PRLR: variants seen among roughly 807,000 people sequenced by gnomAD.
The protein encoded by PRLR is hPRL receptor.
Under a neutral mutation model 40.2 loss-of-function variants are expected in PRLR, and 13 were observed. The ratio of observed to expected loss-of-function variants is 0.32; its 90% CI spans 0.21 to 0.51. The LOEUF (loss-of-function observed/expected upper bound fraction) is 0.51, where lower values mean the gene tolerates loss of function less well. Ranked by LOEUF, PRLR falls within the 20% of genes least tolerant of loss-of-function variation. PRLR has a pLI of 0.97. For synonymous variants in PRLR, 269 were observed against 278.7 expected, an observed-to-expected ratio of 0.97 and a Z score of 0.35; for missense variants, 656 against 747.3, an observed-to-expected ratio of 0.88 and a Z score of 1.42.
chr5:35,080,162 T>C (rs1431094258), intron 5 of PRLR, among the ~76,000 whole-genome samples: 4 of 152,054 alleles, frequency 2.6e-5, no homozygotes, highest in Non-Finnish European at 5.9e-5. Context: ...CCAAAAGCAA[T>C]GGCAACAAAA....
At chr5:35,148,442 T>G (rs4585417) in intron 1 of PRLR, among the ~76,000 whole-genome samples, 129,145 of 151,884 alleles carry the variant, frequency 0.85, 56,553 homozygotes, top group South Asian at 0.96. Context: ...GCTACTGTTT[T>G]CTGAAAGCTA....
chr5:35,079,205 C>T (rs1489714888), intron 5 of PRLR, among the ~76,000 whole-genome samples: 1 of 152,098 alleles, frequency 6.6e-6, no homozygotes, highest in Non-Finnish European at 1.5e-5. Flanking sequence ...AAGTTCTGGC[C>T]AGGGCAATCA....
At position 35,225,741 on chromosome 5, in the gene PRLR, G is replaced by A. The variant is rs187592123; in HGVS notation, c.-106+4527C>T. ...CTTTCACCCAGGCTGGAGTGCAATGGCGCAATCTTGGCTCACTGCAACCTC... is the reference window on the plus strand; with the variant it reads ...CTTTCACCCAGGCTGGAGTGCAATGACGCAATCTTGGCTCACTGCAACCTC... On this transcript the variant is annotated intron_variant, in intron 1 of 9. Transcript: ENST00000618457. 7.9e-4 allele frequency among the ~76,000 whole-genome samples: 120 copies of A among 152,270 alleles called. 1 individual carries two copies. Among genetic ancestry groups the A allele is most frequent in the African/African-American group, 2.8e-3 (116 of 41,552 alleles).
chr5:35,057,887 G>T lies in PRLR; in HGVS notation c.*7202C>A. ...GATGACTAAAATCAAATAAGGAAAA[G>T]GGTTATTTCTAGGGGGGTTACAGAA... On this transcript the variant is annotated 3_prime_UTR_variant, in exon 10 of 10. Coordinates refer to ENST00000618457, the MANE Select transcript of PRLR (RefSeq NM_000949.7). 1 of 152,008 alleles carries T rather than the reference G, an allele frequency of 6.6e-6. No homozygotes were observed. Among genetic ancestry groups the T allele is most frequent in the East Asian group, 1.9e-4 (1 of 5,192 alleles). The allele number at this position is 152,008 out of a possible 1,614,324, so 9.4% of individuals were successfully genotyped here. A position where few individuals can be genotyped will look rare whatever the true frequency, so the allele number is the denominator to read the frequency against.
At chr5:35,200,645 A>G (rs952138744) in intron 1 of PRLR, among the ~76,000 whole-genome samples, 7 of 152,138 alleles carry the variant, frequency 4.6e-5, no homozygotes, top group Non-Finnish European at 1.0e-4. Flanking sequence ...GTTTCTGGGT[A>G]TTGGTATGAG....
downstream of PRLR, among the ~76,000 whole-genome samples, chr5:35,054,357 G>A (rs1287970440): frequency 6.6e-6 from 1 of 152,188 alleles, no homozygotes; most frequent in African/African-American, 2.4e-5. Context: ...GACTGGCATA[G>A]GAATGCTCAT....
chr5:35,197,130 TTTTTA>T (rs1326033401), intron 1 of PRLR, among the ~76,000 whole-genome samples: 11 of 152,102 alleles, frequency 7.2e-5, no homozygotes, highest in African/African-American at 1.9e-4. Flanking sequence ...GTCCCCAACT[TTTTTA>T]TTTTATTTTA....
intron 1 of PRLR, among the ~76,000 whole-genome samples, chr5:35,127,138 G>C (rs1773498145): frequency 6.6e-6 from 1 of 152,180 alleles, no homozygotes; most frequent in Non-Finnish European, 1.5e-5. Context: ...GCCAGAAGCT[G>C]TGAAGGGCAA....
At position 35,191,048 on chromosome 5, in the gene PRLR, C is replaced by CTTTTTTTTTT. The variant is rs869174221; in HGVS notation, c.-106+39210_-106+39219dup. Among the ~76,000 whole-genome samples, 3 of 68,166 alleles carry CTTTTTTTTTT rather than the reference C, an allele frequency of 4.4e-5. 1 individual carries two copies. Among genetic ancestry groups the CTTTTTTTTTT allele is most frequent in the East Asian group, 1.0e-3 (2 of 1,958 alleles). The allele number at this position is 68,166 out of a possible 152,430, so 44.7% of individuals were successfully genotyped here. A position where few individuals can be genotyped will look rare whatever the true frequency, so the allele number is the denominator to read the frequency against. On this transcript the variant is annotated intron_variant, in intron 1 of 9. Transcript: ENST00000618457. Reference sequence around the variant, plus strand: ...ATCCAATTAACAGATGTGTTATTTTCTTTTTTTTTTTTTTTTTTTTTTTTT... The same window carrying CTTTTTTTTTT: ...ATCCAATTAACAGATGTGTTATTTTCTTTTTTTTTTTTTTTTTTTTTTTTTTTTTTTTTTT...
intron 1 of PRLR, among the ~76,000 whole-genome samples, chr5:35,205,652 G>C (rs553568318): frequency 1.3e-5 from 2 of 152,242 alleles, no homozygotes; most frequent in East Asian, 3.9e-4. Flanking sequence ...ATGGGGGTTG[G>C]GCTGGGAGAA....
intron 5 of PRLR, among the ~76,000 whole-genome samples, chr5:35,078,117 C>T (rs1412589430): frequency 1.3e-4 from 20 of 151,960 alleles, no homozygotes; most frequent in Admixed American, 3.9e-4. Context: ...GATCTAAAAT[C>T]GACACCCTAA....
chr5:35,089,412 A>G, intron 3 of PRLR, 139 bp downstream of exon 3: 1 of 629,210 alleles, frequency 1.6e-6, no homozygotes. Flanking sequence ...AATGCAAAAT[A>G]TTGCAAATAA....
intron 1 of PRLR, among the ~76,000 whole-genome samples, chr5:35,224,452 C>A (rs766671619): frequency 2.0e-5 from 3 of 152,196 alleles, no homozygotes; most frequent in Admixed American, 6.5e-5. Context: ...CACTAAGATT[C>A]ATTCTTGTCA....
chr5:35,179,493 G>A (rs535582175), intron 1 of PRLR, among the ~76,000 whole-genome samples: 1 of 152,284 alleles, frequency 6.6e-6, no homozygotes, highest in Admixed American at 6.5e-5. Context: ...AATTCAGCAT[G>A]GTGGGACAAC....
At chr5:35,222,257 C>A (rs1403500464) in intron 1 of PRLR, among the ~76,000 whole-genome samples, 3 of 151,930 alleles carry the variant, frequency 2.0e-5, no homozygotes, top group Non-Finnish European at 4.4e-5. Context: ...GAGCCGAGAT[C>A]GCGCCACTGC....
intron 1 of PRLR, among the ~76,000 whole-genome samples, chr5:35,215,747 A>C (rs1340457876): frequency 6.6e-6 from 1 of 151,868 alleles, no homozygotes; most frequent in Non-Finnish European, 1.5e-5. Context: ...TTAGAAATAG[A>C]AGTAAGGGCC....
At chr5:35,104,885 G>A (rs371937866) in intron 2 of PRLR, among the ~76,000 whole-genome samples, 13 of 152,154 alleles carry the variant, frequency 8.5e-5, no homozygotes, top group African/African-American at 1.2e-4. Flanking sequence ...TTCTCCCACC[G>A]CGGAATTTGA....
intron 1 of PRLR, among the ~76,000 whole-genome samples, chr5:35,156,526 T>C (rs1326361072): frequency 6.6e-6 from 1 of 152,234 alleles, no homozygotes; most frequent in Non-Finnish European, 1.5e-5. Flanking sequence ...CCTCCAGGCA[T>C]CCCTCTGAAA....
In PRLR at chr5:35,063,771, T is replaced by C. The variant is rs1285090353; in HGVS notation, c.*1318A>G. On this transcript the variant is annotated 3_prime_UTR_variant, in exon 10 of 10. Coordinates refer to ENST00000618457, the MANE Select transcript of PRLR (RefSeq NM_000949.7). ...AAACAGCTGTTAGAAATCGTCGCCC[T>C]CCCTTTTTATGGTAGCTTTAGGAAG... The C allele has an allele frequency of 6.6e-6, 1 of 152,140 alleles. No homozygotes were observed. The highest frequency in any genetic ancestry group is 1.5e-5 in the Non-Finnish European group (1 of 68,032). The allele number at this position is 152,140 out of a possible 1,614,324, so 9.4% of individuals were successfully genotyped here. A position where few individuals can be genotyped will look rare whatever the true frequency, so the allele number is the denominator to read the frequency against.
Sources: allele counts gnomAD v4.1 joint callset (sites outside exome capture counted in the v4.1 genomes callset), GRCh38; gene constraint gnomAD v4.1.1; transcripts MANE v1.5; gene names NCBI Gene and HGNC (gene_info 2026-07-23, HGNC 2026-07-21).